Variants in PCDHA8 observed in about 807,000 individuals in gnomAD.
PCDHA8 encodes protocadherin alpha-8.
In PCDHA8, 53 loss-of-function variants were observed where a neutral mutation model predicts 61.8. The ratio of observed to expected loss-of-function variants is 0.86; its 90% CI spans 0.69 to 1.08. PCDHA8 has a LOEUF of 1.08. PCDHA8 is among the 50% of genes least tolerant of loss of function. The pLI is 0.00. For missense variants in PCDHA8, 1,293 were observed against 1,245.0 expected, an observed-to-expected ratio of 1.04 and a Z score of -0.58; for synonymous variants, 618 against 556.6, an observed-to-expected ratio of 1.11 and a Z score of -1.55.
At chr5:140,982,273 A>G (rs1554243953) in intron 2 of PCDHA8, 2 of 943,086 alleles carry the variant, frequency 2.1e-6, no homozygotes, top group Non-Finnish European at 3.0e-6. Context: ...CTGGAATAGT[A>G]TAGCAGGCAA....
intron 1 of PCDHA8, chr5:140,852,271 A>C (rs1554145738): frequency 6.0e-6 from 3 of 502,014 alleles, no homozygotes; most frequent in African/African-American, 2.1e-5. Context: ...ACAATATTAC[A>C]TGTTTTTTGT....
intron 1 of PCDHA8, among the ~76,000 whole-genome samples, chr5:140,956,131 C>A (rs2095258276): frequency 6.6e-6 from 1 of 152,096 alleles, no homozygotes; most frequent in African/African-American, 2.4e-5. Flanking sequence ...TATTTGAATA[C>A]CCTTTATTTC....
Position 140,895,072 on chromosome 5 carries a change from A to C in PCDHA8, c.2394+51357A>C, listed in dbSNP as rs974661383. On this transcript the variant is annotated intron_variant, in intron 1 of 3. Coordinates refer to ENST00000531613, the MANE Select transcript of PCDHA8 (RefSeq NM_018911.3). ...TCTGCTTCATATGGACTCAATTCCT[A>C]TCAGTTCCTCCTCAGTATAGGGGTT... 2.6e-5 allele frequency among the ~76,000 whole-genome samples: 4 copies of C among 152,208 alleles called. No homozygotes were observed. In the South Asian group the frequency reaches 6.2e-4, roughly 24 times the overall value.
intron 1 of PCDHA8, chr5:140,869,765 A>C (rs376277801): frequency 1.9e-6 from 3 of 1,613,164 alleles, no homozygotes; most frequent in African/African-American, 2.7e-5. Flanking sequence ...GGAAAACCAG[A>C]GCTTACTGGC....
intron 1 of PCDHA8, chr5:140,883,159 G>A (rs782151764): frequency 3.1e-6 from 5 of 1,613,846 alleles, no homozygotes; most frequent in Admixed American, 3.3e-5. Context: ...CCATAAATCC[G>A]AACAATGGAG....
At chr5:140,932,323 C>T (rs1259103502) in intron 1 of PCDHA8, among the ~76,000 whole-genome samples, 1 of 151,814 alleles carries the variant, frequency 6.6e-6, no homozygotes, top group Non-Finnish European at 1.5e-5. Flanking sequence ...ATTAATGTAG[C>T]AAAAATGCAT....
In PCDHA8 at chr5:140,845,401, T is replaced by C. The variant is rs1326186010; in HGVS notation, c.2394+1686T>C. On this transcript the variant is annotated intron_variant, in intron 1 of 3. Transcript: ENST00000531613. Reference sequence around the variant, plus strand: ...GGAGGATTCTTTCCACCACCTAGCATTGTATTTGGCAATTTATCATTTAAG... The same window carrying C: ...GGAGGATTCTTTCCACCACCTAGCACTGTATTTGGCAATTTATCATTTAAG... Among the ~76,000 whole-genome samples, 3 of 149,536 alleles carry C rather than the reference T, an allele frequency of 2.0e-5. 1 individual carries two copies. The highest frequency in any genetic ancestry group is 1.5e-5 in the Non-Finnish European group (1 of 66,828).
chr5:140,863,257 C>G (rs1158491669), intron 1 of PCDHA8: 1 of 1,442,346 alleles, frequency 6.9e-7, no homozygotes, highest in Non-Finnish European at 9.4e-7. Context: ...CGTCGAGGTC[C>G]GGGAGGCAGC....
intron 1 of PCDHA8, chr5:140,856,380 G>T: frequency 6.3e-7 from 1 of 1,598,530 alleles, no homozygotes; most frequent in Non-Finnish European, 8.6e-7. Flanking sequence ...ATCGTGGACA[G>T]GCCGCTGCAG....
intron 1 of PCDHA8, chr5:140,869,210 C>A (rs781978731): frequency 1.7e-5 from 28 of 1,613,814 alleles, no homozygotes; most frequent in African/African-American, 1.5e-4. Context: ...TACTCCGTCT[C>A]GGAGGAGGCC....
intron 1 of PCDHA8, chr5:140,882,397 C>T (rs1554173926): frequency 6.2e-7 from 1 of 1,614,190 alleles, no homozygotes; most frequent in South Asian, 1.1e-5. Flanking sequence ...AACACGGCAC[C>T]TTCGTGGGCC....
chr5:140,877,647 G>A, intron 1 of PCDHA8: 2 of 1,613,510 alleles, frequency 1.2e-6, no homozygotes, highest in South Asian at 1.1e-5. Flanking sequence ...GTTGCTCAGC[G>A]CCGCCCACCG....
chr5:141,003,240 C>T (rs1563674729), intron 3 of PCDHA8, among the ~76,000 whole-genome samples: 2 of 152,150 alleles, frequency 1.3e-5, no homozygotes, highest in South Asian at 4.1e-4. Context: ...GAAATTTTGC[C>T]AAAAAGATTC....
In PCDHA8 at chr5:140,876,858, G is replaced by A. The variant is rs201724019; in HGVS notation, c.2394+33143G>A. The A allele has an allele frequency of 1.3e-4, 215 of 1,614,152 alleles. No homozygotes were observed. In the East Asian group the frequency reaches 3.0e-3, roughly 22 times the overall value. ...CGTTCGCGCAGCCCGAGTACACAGT[G>A]TTCGTGAAGGAGAACAACCCGCCGG... On this transcript the variant is annotated intron_variant, in intron 1 of 3. Transcript: ENST00000531613.
At chr5:140,849,771 A>G in intron 1 of PCDHA8, 1 of 1,598,330 alleles carries the variant, frequency 6.3e-7, no homozygotes, top group Non-Finnish European at 8.6e-7. Flanking sequence ...GCTGGTGGTT[A>G]CCGCGCGGGA....
Position 140,842,173 on chromosome 5 carries a change from T to C in PCDHA8, c.852T>C (p.Leu284=). Residue 284 remains leucine, a synonymous_variant, in exon 1 of 4, where the codon CTT becomes CTC. Coordinates refer to ENST00000531613, the MANE Select transcript of PCDHA8 (RefSeq NM_018911.3). ...NGAISYSFNS[L]VETMVIDHFS... ...CAATTTCATATTCTTTTAATAGCCT[T>C]GTTGAAACTATGGTTATTGACCACT... The C allele has an allele frequency of 6.2e-7, 1 of 1,613,902 alleles. No individual in the cohort carries two copies. Among genetic ancestry groups the C allele is most frequent in the Non-Finnish European group, 8.5e-7 (1 of 1,179,864 alleles).
At chr5:140,934,729 T>G (rs2090016432) in intron 1 of PCDHA8, among the ~76,000 whole-genome samples, 1 of 152,164 alleles carries the variant, frequency 6.6e-6, no homozygotes, top group Non-Finnish European at 1.5e-5. Context: ...CAAGGCCTTT[T>G]TTAGGTGTCA....
chr5:140,982,475 C>T lies in PCDHA8; in HGVS notation c.2454C>T (p.Ser818=). The change falls in exon 3 of 4, where the codon AGC becomes AGT. Residue 818 remains serine, a splice_region_variant and synonymous_variant. Coordinates refer to ENST00000531613, the MANE Select transcript of PCDHA8 (RefSeq NM_018911.3). ...TATCTGGGTCTGTGTGTTTATTCAG[C>T]TCTGTGCACCTAGAGGAGGCTGGCA... The part of the protein sequence containing the change: ...YSASLRAGMH[S]SVHLEEAGIL... 1 of 1,614,154 alleles carries T rather than the reference C, an allele frequency of 6.2e-7. No homozygotes were observed. Among genetic ancestry groups the T allele is most frequent in the African/African-American group, 1.3e-5 (1 of 75,040 alleles).
At chr5:140,912,679 T>G (rs367681467) in intron 1 of PCDHA8, among the ~76,000 whole-genome samples, 3 of 152,334 alleles carry the variant, frequency 2.0e-5, no homozygotes, top group South Asian at 4.1e-4. Context: ...CCTTGACTTA[T>G]TCCAGGTCTC....
Sources: allele counts gnomAD v4.1 joint callset (sites outside exome capture counted in the v4.1 genomes callset), GRCh38; gene constraint gnomAD v4.1.1; transcripts MANE v1.5; gene names NCBI Gene and HGNC (gene_info 2026-07-23, HGNC 2026-07-21).